TMCC1: variants seen among roughly 807,000 people sequenced by gnomAD.
The protein encoded by TMCC1 is transmembrane and coiled-coil domains protein 1.
In TMCC1, 15 loss-of-function variants were observed where a neutral mutation model predicts 52.4. The observed-to-expected ratio is 0.29, with a 90% CI of 0.19 to 0.44. The LOEUF (loss-of-function observed/expected upper bound fraction) is 0.44. Among genes scored for constraint, TMCC1 ranks in the 20% least tolerant of loss-of-function variants. TMCC1 has a pLI of 1.00. For missense variants in TMCC1, 503 were observed against 806.0 expected, an observed-to-expected ratio of 0.62 and a Z score of 4.55; for synonymous variants, 279 against 301.9, an observed-to-expected ratio of 0.92 and a Z score of 0.79.
chr3:129,760,192 A>G (rs150839962), intron 4 of TMCC1, among the ~76,000 whole-genome samples: 1 of 152,086 alleles, frequency 6.6e-6, no homozygotes, highest in East Asian at 1.9e-4. Context: ...AGATAAATCA[A>G]AACTGACATA....
At chr3:129,718,358 C>CA (rs532916887) in intron 4 of TMCC1, among the ~76,000 whole-genome samples, 105 of 152,302 alleles carry the variant, frequency 6.9e-4, no homozygotes, top group Middle Eastern at 3.4e-3. Context: ...TGAAGTATTG[C>CA]AAGTATCCAC....
intron 4 of TMCC1, among the ~76,000 whole-genome samples, chr3:129,694,866 T>C (rs2047283861): frequency 6.6e-6 from 1 of 152,184 alleles, no homozygotes; most frequent in Non-Finnish European, 1.5e-5. Flanking sequence ...CTTTACTCTA[T>C]GGACTCGCCC....
chr3:129,757,221 T>C (rs1323569109), intron 4 of TMCC1, among the ~76,000 whole-genome samples: 2 of 152,162 alleles, frequency 1.3e-5, no homozygotes, highest in Admixed American at 1.3e-4. Flanking sequence ...GGAAAGATAA[T>C]GCCCATGAAC....
chr3:129,759,115 T>C (rs2053268894), intron 4 of TMCC1, among the ~76,000 whole-genome samples: 1 of 152,190 alleles, frequency 6.6e-6, no homozygotes, highest in African/African-American at 2.4e-5. Context: ...TTAGTGCTAG[T>C]GTGAACATGG....
chr3:129,804,939 T>C (rs1043363945), intron 4 of TMCC1, among the ~76,000 whole-genome samples: 2 of 152,184 alleles, frequency 1.3e-5, no homozygotes, highest in Admixed American at 1.3e-4. Context: ...ATCTTTTAAC[T>C]AAGCTGTTAT....
Position 129,880,346 on chromosome 3 carries a change from A to AT in TMCC1, c.-222dup, listed in dbSNP as rs2061405588. 1 of 152,218 alleles carries AT rather than the reference A, an allele frequency of 6.6e-6. No individual in the cohort carries two copies. Among genetic ancestry groups the AT allele is most frequent in the Non-Finnish European group, 1.5e-5 (1 of 68,022 alleles). The allele number at this position is 152,218 out of a possible 1,614,324, so 9.4% of individuals were successfully genotyped here. A position where few individuals can be genotyped will look rare whatever the true frequency, so the allele number is the denominator to read the frequency against. On this transcript the variant is annotated 5_prime_UTR_variant, in exon 2 of 7. It adds an upstream start codon to the 5' untranslated region. Transcript: ENST00000393238. Reference sequence around the variant, plus strand: ...CCAGCAATAGCTTCCCTTTCTTTGCATAGGTGAGGATGAACAGTTGTAATC... The same window carrying AT: ...CCAGCAATAGCTTCCCTTTCTTTGCATTAGGTGAGGATGAACAGTTGTAATC...
intron 4 of TMCC1, among the ~76,000 whole-genome samples, chr3:129,768,257 C>G (rs2054284351): frequency 1.3e-5 from 2 of 152,058 alleles, no homozygotes; most frequent in African/African-American, 4.8e-5. Context: ...ATAATAGATG[C>G]CAGGACATAG....
intron 4 of TMCC1, among the ~76,000 whole-genome samples, chr3:129,761,170 A>G (rs1198027227): frequency 6.9e-6 from 1 of 144,144 alleles, no homozygotes; most frequent in African/African-American, 2.6e-5. Flanking sequence ...CTAAAAATAC[A>G]AAAGAAAATT....
At chr3:129,817,717 T>C (rs1198637186) in intron 4 of TMCC1, among the ~76,000 whole-genome samples, 1 of 152,022 alleles carries the variant, frequency 6.6e-6, no homozygotes, top group Admixed American at 6.6e-5. Context: ...GTGAGATCTC[T>C]GCTCACTGCA....
intron 4 of TMCC1, among the ~76,000 whole-genome samples, chr3:129,706,251 T>A (rs2031164585): frequency 6.6e-6 from 1 of 151,680 alleles, no homozygotes. Flanking sequence ...GTCACCCAAA[T>A]TGGAGTGCAG....
intron 4 of TMCC1, among the ~76,000 whole-genome samples, chr3:129,760,772 C>T (rs2053505008): frequency 1.3e-5 from 2 of 151,310 alleles, no homozygotes; most frequent in South Asian, 4.2e-4. Flanking sequence ...CCACCGCACC[C>T]GGCTAATTTT....
intron 4 of TMCC1, among the ~76,000 whole-genome samples, chr3:129,685,923 T>C (rs1182191782): frequency 6.6e-6 from 1 of 152,216 alleles, no homozygotes; most frequent in Non-Finnish European, 1.5e-5. Context: ...ATTCTTGACA[T>C]CTTCTGCCTT....
intron 4 of TMCC1, among the ~76,000 whole-genome samples, chr3:129,814,681 T>C (rs1474834597): frequency 6.6e-6 from 1 of 151,918 alleles, no homozygotes; most frequent in South Asian, 2.1e-4. Context: ...AAGATACACA[T>C]AGACTGAAAG....
chr3:129,719,148 C>G (rs1189533567), intron 4 of TMCC1, among the ~76,000 whole-genome samples: 2 of 152,166 alleles, frequency 1.3e-5, no homozygotes, highest in African/African-American at 4.8e-5. Flanking sequence ...ATTGGCATTT[C>G]AGCCCCACCC....
intron 2 of TMCC1, among the ~76,000 whole-genome samples, chr3:129,854,308 C>T (rs1369812268): frequency 6.6e-6 from 1 of 151,448 alleles, no homozygotes; most frequent in Non-Finnish European, 1.5e-5. Context: ...AGCAGAATCG[C>T]TCAAACCTGG....
chr3:129,830,338 C>T (rs1394162151), intron 3 of TMCC1, among the ~76,000 whole-genome samples: 1 of 152,144 alleles, frequency 6.6e-6, no homozygotes, highest in African/African-American at 2.4e-5. Context: ...TAATTATCCC[C>T]TTCTAACCAA....
chr3:129,758,702 A>C (rs775262107), intron 4 of TMCC1, among the ~76,000 whole-genome samples: 15 of 152,200 alleles, frequency 9.9e-5, no homozygotes, highest in Non-Finnish European at 7.3e-5. Flanking sequence ...GTTAGAATTT[A>C]CCATCCTAAC....
intron 4 of TMCC1, among the ~76,000 whole-genome samples, chr3:129,749,868 G>C (rs2052339388): frequency 6.8e-6 from 1 of 147,004 alleles, no homozygotes; most frequent in Non-Finnish European, 1.5e-5. Flanking sequence ...TTGAATCTAT[G>C]ATTCAAATTG....
chr3:129,843,380 G>A (rs2059513628), intron 2 of TMCC1, among the ~76,000 whole-genome samples: 1 of 151,778 alleles, frequency 6.6e-6, no homozygotes, highest in Non-Finnish European at 1.5e-5. Flanking sequence ...ATAAAAATTA[G>A]AGCAGAAATC....
Sources: allele counts gnomAD v4.1 joint callset (sites outside exome capture counted in the v4.1 genomes callset), GRCh38; gene constraint gnomAD v4.1.1; transcripts MANE v1.5; gene names NCBI Gene and HGNC (gene_info 2026-07-23, HGNC 2026-07-21).